The following ADAT1 variants were observed in gnomAD, a reference collection of about 807,000 sequenced individuals.
The protein encoded by ADAT1 is tRNA-specific adenosine deaminase 1.
A neutral mutation model predicts 58.6 loss-of-function variants in ADAT1; 58 were observed. The observed-to-expected ratio is 0.99, with a 90% confidence interval of 0.80 to 1.23. ADAT1 has a LOEUF of 1.23. ADAT1 is among the 50% of genes most tolerant of loss of function. ADAT1 has a pLI of 0.00. For missense variants in ADAT1, 741 were observed against 608.6 expected (o/e 1.22, Z -2.29); for synonymous variants, 254 against 220.8 (o/e 1.15, Z -1.33).
intron 8 of ADAT1, among the ~76,000 whole-genome samples, chr16:75,607,633 T>C (rs1444318051): frequency 6.6e-6 from 1 of 152,134 alleles, no homozygotes; most frequent in African/African-American, 2.4e-5. Flanking sequence ...TGGTAGAACG[T>C]AAAATGGTAC....
Position 75,612,484 on chromosome 16 carries a change from C to T in ADAT1, c.802G>A (p.Ala268Thr). The change falls in exon 6 of 10, where the codon GCT becomes ACT. Residue 268 changes from alanine to threonine, a missense_variant. By Grantham distance (58) the Ala-to-Thr change is moderately conservative (BLOSUM62 0). Coordinates refer to ENST00000564657, the MANE Select transcript of ADAT1 (RefSeq NM_001324445.2). ...GCACCCGGCTTTCCGGAGTCTCCAG[C>T]TTCTCCAGGTACACACTTGGCTCCA... ...RTGAKCVPGEAGDSGKPGAAF... is the reference protein window; with the variant it reads ...RTGAKCVPGETGDSGKPGAAF... 1.9e-6 allele frequency: 3 copies of T among 1,614,198 alleles called. No homozygotes were observed. Among genetic ancestry groups the T allele is most frequent in the Non-Finnish European group, 2.5e-6 (3 of 1,180,038 alleles).
At chr16:75,600,894 T>C (rs2081210647) in intron 9 of ADAT1, among the ~76,000 whole-genome samples, 1 of 152,256 alleles carries the variant, frequency 6.6e-6, no homozygotes, top group Admixed American at 6.5e-5. Flanking sequence ...TATTTTGACT[T>C]TTGACACTTT....
At chr16:75,620,402 A>T (rs1157055106) in intron 2 of ADAT1, 68 bp from the exon 3 acceptor site, 25 of 1,543,072 alleles carry the variant, frequency 1.6e-5, no homozygotes, top group Non-Finnish European at 2.2e-5. Context: ...AGGTGTGATC[A>T]GCCTGCACAC....
At chr16:75,611,033 G>T (rs2081515593) in intron 6 of ADAT1, among the ~76,000 whole-genome samples, 1 of 152,134 alleles carries the variant, frequency 6.6e-6, no homozygotes, top group Admixed American at 6.5e-5. Context: ...AGGATCACTT[G>T]AGCTCAGGAA....
At chr16:75,606,619 A>T (rs61078946) in intron 8 of ADAT1, among the ~76,000 whole-genome samples, 28,794 of 152,012 alleles carry the variant, frequency 0.19, 4,139 homozygotes, top group East Asian at 0.73. Context: ...ATTTTGGAAC[A>T]GGATCCTTGA....
chr16:75,619,835 A>G lies in ADAT1; in HGVS notation c.238+431T>C, dbSNP rs143193889. The stretch of plus-strand genomic sequence containing the variant: ...ACCCAGGAAGGGGAGGTTGCAGAGC[A>G]GTGAATCGAGATTGCCCCATTGCAC... On this transcript the variant is annotated intron_variant, in intron 3 of 9. Transcript: ENST00000564657. 2,856 of 310,020 alleles carry G rather than the reference A, an allele frequency of 9.2e-3. 23 individuals carry two copies. The highest frequency in any genetic ancestry group is 0.023 in the Middle Eastern group (19 of 822). 19.2% of individuals were successfully genotyped at this position (310,020 alleles called of 1,614,324 possible). A position where few individuals can be genotyped will look rare whatever the true frequency, so the allele number is the denominator to read the frequency against.
chr16:75,603,271 G>C, intron 8 of ADAT1, 100 bp from the exon 9 acceptor site: 1 of 1,000,266 alleles, frequency 1.0e-6, no homozygotes, highest in Non-Finnish European at 1.5e-6. Context: ...AGGTTTGAAG[G>C]TGCCAGAGCC....
chr16:75,618,507 C>CA, intron 4 of ADAT1, 79 bp downstream of exon 4: 4 of 997,218 alleles, frequency 4.0e-6, no homozygotes, highest in Non-Finnish European at 5.8e-6. Context: ...CTCTGTCCCC[C>CA]CCAAAAAAAA....
In ADAT1 at chr16:75,599,530, C is replaced by G; in HGVS notation, c.*686G>C. 2.0e-6 allele frequency: 2 copies of G among 985,856 alleles called. No homozygotes were observed. The highest frequency in any genetic ancestry group is 2.4e-6 in the Non-Finnish European group (2 of 829,946). The allele number at this position is 985,856 out of a possible 1,614,324, so 61.1% of individuals were successfully genotyped here. A position where few individuals can be genotyped will look rare whatever the true frequency, so the allele number is the denominator to read the frequency against. On this transcript the variant is annotated 3_prime_UTR_variant, in exon 10 of 10. Transcript: ENST00000564657. ...GATCTTTGATTCTCTTGGCTGTTTC[C>G]TTTGTTGCCTTCATTCTTTGCTGGC...
chr16:75,611,149 T>C (rs1010469411), intron 6 of ADAT1, among the ~76,000 whole-genome samples: 5 of 152,024 alleles, frequency 3.3e-5, no homozygotes, highest in Non-Finnish European at 1.5e-5. Context: ...AAACTAATGT[T>C]TAGGGTTAAA....
Position 75,599,666 on chromosome 16 carries a change from A to G in ADAT1, c.*550T>C. The G allele has an allele frequency of 2.0e-6, 2 of 986,504 alleles. No individual in the cohort carries two copies. The highest frequency in any genetic ancestry group is 2.4e-6 in the Non-Finnish European group (2 of 830,464). The allele number at this position is 986,504 out of a possible 1,614,324, so 61.1% of individuals were successfully genotyped here. A position where few individuals can be genotyped will look rare whatever the true frequency, so the allele number is the denominator to read the frequency against. On this transcript the variant is annotated 3_prime_UTR_variant, in exon 10 of 10. Coordinates refer to ENST00000564657, the MANE Select transcript of ADAT1 (RefSeq NM_001324445.2). ...TCCTGATACCTCTGAGAACAAGTCC[A>G]GGGCAGTCCAGGGCTGGCTCACAGG...
In ADAT1 at chr16:75,612,456, G is replaced by A. The variant is rs369527792; in HGVS notation, c.830C>T (p.Ala277Val). Residue 277 changes from alanine (A) to valine (V), a missense_variant, in exon 6 of 10, where the codon GCG becomes GTG. Transcript: ENST00000564657. Reference sequence around the variant, plus strand: ...TCGGAGCAGCCCCACCTGGTGAAACGCAGCACCCGGCTTTCCGGAGTCTCC... The same window carrying A: ...TCGGAGCAGCCCCACCTGGTGAAACACAGCACCCGGCTTTCCGGAGTCTCC... ...EAGDSGKPGAAFHQVGLLRVK... is the reference protein window; with the variant it reads ...EAGDSGKPGAVFHQVGLLRVK... 1.9e-5 allele frequency: 31 copies of A among 1,614,152 alleles called. No homozygotes were observed. The highest frequency in any genetic ancestry group is 3.3e-5 in the Admixed American group (2 of 59,998).
At chr16:75,616,182 A>G (rs751355832) in intron 5 of ADAT1, among the ~76,000 whole-genome samples, 24 of 151,726 alleles carry the variant, frequency 1.6e-4, no homozygotes, top group Non-Finnish European at 3.2e-4. Context: ...CTAATTTTGT[A>G]TATTTAGTAG....
At position 75,617,166 on chromosome 16, in the gene ADAT1, C is replaced by T; in HGVS notation, c.400G>A (p.Val134Met). ...CAGGGTGTATGGCTGGAGAAAAACA[C>T]AAAAATGAGGTCTCGTCTAAGTTTC... ...VWKLRRDLIF[V>M]FFSSHTPCGD... Residue 134 changes from valine (V) to methionine (M), a missense_variant, in exon 5 of 10, where the codon GTG (valine) becomes ATG (methionine). Val to Met is a conservative substitution (Grantham distance 21). Coordinates refer to ENST00000564657, the MANE Select transcript of ADAT1 (RefSeq NM_001324445.2). 1 of 1,613,526 alleles carries T rather than the reference C, an allele frequency of 6.2e-7. No individual in the cohort carries two copies. Among genetic ancestry groups the T allele is most frequent in the South Asian group, 1.1e-5 (1 of 91,036 alleles).
chr16:75,620,461 A>G, intron 2 of ADAT1, 127 bp from the exon 3 acceptor site: 1 of 1,402,218 alleles, frequency 7.1e-7, no homozygotes, highest in Non-Finnish European at 1.0e-6. Context: ...CTGCGGTTCC[A>G]GCATGGCGGT....
Position 75,599,860 on chromosome 16 carries a change from T to C in ADAT1, c.*356A>G, listed in dbSNP as rs555428762. 24 of 1,010,158 alleles carry C rather than the reference T, an allele frequency of 2.4e-5. No homozygotes were observed. The East Asian group carries it at 2.2e-3, about 92-fold the overall frequency. 62.6% of individuals were successfully genotyped at this position (1,010,158 alleles called of 1,614,324 possible). ...TGTAAAACTTGCAGAGCGTCAAACATCATTTCAGCTCAATAAATATTTGCT... is the reference window on the plus strand; with the variant it reads ...TGTAAAACTTGCAGAGCGTCAAACACCATTTCAGCTCAATAAATATTTGCT... On this transcript the variant is annotated 3_prime_UTR_variant, in exon 10 of 10. Coordinates refer to ENST00000564657, the MANE Select transcript of ADAT1 (RefSeq NM_001324445.2).
Position 75,620,354 on chromosome 16 carries a change from CGT to C in ADAT1, c.170-22_170-21del. On this transcript the variant is annotated intron_variant, in intron 2 of 9. Transcript: ENST00000564657. Reference sequence around the variant, plus strand: ...TTGTCACTGTGGGAAAAAAACAAATCGTGTGAGTTCTGAGAAACGGAATGTTC... The same window carrying C: ...TTGTCACTGTGGGAAAAAAACAAATCGTGAGTTCTGAGAAACGGAATGTTC... 6.2e-7 allele frequency: 1 copy of C among 1,613,334 alleles called. No homozygotes were observed. Among genetic ancestry groups the C allele is most frequent in the Middle Eastern group, 1.7e-4 (1 of 6,058 alleles).
chr16:75,600,965 G>C (rs1381955362), intron 9 of ADAT1, among the ~76,000 whole-genome samples: 1 of 152,140 alleles, frequency 6.6e-6, no homozygotes, highest in Non-Finnish European at 1.5e-5. Flanking sequence ...AATTAAAACA[G>C]TTAAGAATGA....
intron 3 of ADAT1, among the ~76,000 whole-genome samples, chr16:75,619,370 T>C (rs996687071): frequency 6.6e-6 from 1 of 151,294 alleles, no homozygotes; most frequent in Non-Finnish European, 1.5e-5. Context: ...AAAATAAAAA[T>C]GAAAAAAATT....
Sources: gnomAD v4.1 joint callset for allele counts (sites outside exome capture counted in the v4.1 genomes callset) on GRCh38, gnomAD v4.1.1 for gene constraint, MANE v1.5 for transcripts, NCBI Gene and HGNC (gene_info 2026-07-23, HGNC 2026-07-21) for gene names.